BCAM: variants seen among roughly 807,000 people sequenced by gnomAD.
BCAM encodes basal cell adhesion molecule (Lutheran blood group), also known as basal cell adhesion molecule.
BCAM carries 61 observed loss-of-function variants against 72.4 expected under a neutral mutation model. The ratio of observed to expected loss-of-function variants is 0.84; its 90% CI spans 0.69 to 1.04. The LOEUF (loss-of-function observed/expected upper bound fraction) is 1.04. BCAM is among the 50% of genes least tolerant of loss of function. The probability of loss-of-function intolerance (pLI) is 0.00; values close to 1 mark genes in which losing one functional copy is unlikely to be tolerated. For synonymous variants in BCAM, 408 were observed against 384.2 expected (o/e 1.06, Z -0.73); for missense variants, 909 against 895.0 (o/e 1.02, Z -0.20).
At position 44,814,815 on chromosome 19, in the gene BCAM, G is replaced by A. The variant is rs1160797533; in HGVS notation, c.1078+55G>A. The A allele has an allele frequency of 6.4e-7, 1 of 1,552,128 alleles. No individual in the cohort carries two copies. On this transcript the variant is annotated intron_variant, in intron 8 of 14. Transcript: ENST00000270233. The surrounding 1 kb of genome is among the most constrained non-coding windows in gnomAD (Gnocchi z 4.6). Reference sequence around the variant, plus strand: ...GAGGGGCCCTGGCATCAGTGCCTCTGCGCCCTCCTCCCTACAGCCCTGAAG... The same window carrying A: ...GAGGGGCCCTGGCATCAGTGCCTCTACGCCCTCCTCCCTACAGCCCTGAAG...
chr19:44,813,607 C>T lies in BCAM; in HGVS notation c.771C>T (p.His257=), dbSNP rs779329198. ...RHGRLDSPTF[H]LTLHYPTEHV... Reference sequence around the variant, plus strand: ...GCCGCCTGGACAGCCCCACCTTCCACCTCACCCTGCACTGTGAGTCTGTGC... The same window carrying T: ...GCCGCCTGGACAGCCCCACCTTCCATCTCACCCTGCACTGTGAGTCTGTGC... The change falls in exon 6 of 15, where the codon CAC becomes CAT. Residue 257 remains histidine (H), a synonymous_variant. Coordinates refer to ENST00000270233, the MANE Select transcript of BCAM (RefSeq NM_005581.5). This position sits in a 1 kb window ranked among gnomAD's most constrained non-coding sequence, Gnocchi z 4.2. 3.7e-6 allele frequency: 6 copies of T among 1,612,144 alleles called. No individual in the cohort carries two copies. In the African/African-American group the frequency reaches 6.7e-5, roughly 18 times the overall value.
chr19:44,813,748 G>A lies in BCAM; in HGVS notation c.784+128G>A. 1 of 1,312,730 alleles carries A rather than the reference G, an allele frequency of 7.6e-7. No individual in the cohort carries two copies. The highest frequency in any genetic ancestry group is 1.5e-5 in the South Asian group (1 of 68,804). 81.3% of individuals were successfully genotyped at this position (1,312,730 alleles called of 1,614,324 possible). A position where few individuals can be genotyped will look rare whatever the true frequency, so the allele number is the denominator to read the frequency against. On this transcript the variant is annotated intron_variant, in intron 6 of 14. Transcript: ENST00000270233. This position sits in a 1 kb window ranked among gnomAD's most constrained non-coding sequence, Gnocchi z 4.2. ...CCTACTTCATGCTAAAAAAAAATGT[G>A]CTAGTGCTGGCCACTGACCTCTGAC...
At chr19:44,811,452 C>T in intron 2 of BCAM, 106 bp downstream of exon 2, 1 of 1,552,534 alleles carries the variant, frequency 6.4e-7, no homozygotes, top group Non-Finnish European at 8.7e-7. Context: ...AAGCCACACT[C>T]CTTGTTACAG....
rs1391558734 is a variant in BCAM at position 44,818,160 on chromosome 19, T to C, written c.1079-362T>C. Among the ~76,000 whole-genome samples, 1 of 152,160 alleles carries C rather than the reference T, an allele frequency of 6.6e-6. No homozygotes were observed. Among genetic ancestry groups the C allele is most frequent in the Non-Finnish European group, 1.5e-5 (1 of 68,028 alleles). ...AAACAAAACTTTGCAGAAAAGATGT[T>C]TGGGGGTAACAGGGAGGTTACCCCA... is the stretch of plus-strand genomic sequence containing the variant. On this transcript the variant is annotated intron_variant, in intron 8 of 14. Transcript: ENST00000270233. The surrounding 1 kb of genome is among the most constrained non-coding windows in gnomAD (Gnocchi z 4.6).
chr19:44,813,074 G>A lies in BCAM; in HGVS notation c.505-176G>A. Reference sequence around the variant, plus strand: ...TCCTTGGTCCCTGGAGGATGGTGCTGGAGGCCTGGACTCTTTAGTCTGAGT... The same window carrying A: ...TCCTTGGTCCCTGGAGGATGGTGCTAGAGGCCTGGACTCTTTAGTCTGAGT... On this transcript the variant is annotated intron_variant, in intron 4 of 14. Transcript: ENST00000270233. This position sits in a 1 kb window ranked among gnomAD's most constrained non-coding sequence, Gnocchi z 4.2. 1.8e-6 allele frequency: 1 copy of A among 566,960 alleles called. No individual in the cohort carries two copies. The highest frequency in any genetic ancestry group is 2.2e-5 in the African/African-American group (1 of 45,114). The allele number at this position is 566,960 out of a possible 1,614,324, so 35.1% of individuals were successfully genotyped here. A position where few individuals can be genotyped will look rare whatever the true frequency, so the allele number is the denominator to read the frequency against.
rs141223803 is a variant in BCAM, at chr19:44,813,269, G to A, written c.524G>A (p.Arg175Gln). The A allele has an allele frequency of 1.5e-4, 246 of 1,613,970 alleles. No individual in the cohort carries two copies. Among genetic ancestry groups the A allele is most frequent in the Non-Finnish European group, 2.0e-4 (237 of 1,180,024 alleles). ...CCTCAGATCGCCACCTGCAACAGCC[G>A]GAACGGGAACCCGGCCCCCAAGATC... ...SAQEIATCNS[R>Q]NGNPAPKITW... Residue 175 changes from arginine to glutamine, a missense_variant, in exon 5 of 15, where the codon CGG (arginine) becomes CAG (glutamine). Transcript: ENST00000270233. The surrounding 1 kb of genome is among the most constrained non-coding windows in gnomAD (Gnocchi z 4.2).
chr19:44,814,222 C>A lies in BCAM; in HGVS notation c.855C>A (p.Asp285Glu). 1 of 1,587,220 alleles carries A rather than the reference C, an allele frequency of 6.3e-7. No homozygotes were observed. Among genetic ancestry groups the A allele is most frequent in the Non-Finnish European group, 8.5e-7 (1 of 1,173,160 alleles). Reference sequence around the variant, plus strand: ...CAGCAGGCTGGGTACGCGAGGGTGACACTGTCCAGCTGCTCTGCCGGGGGG... The same window carrying A: ...CAGCAGGCTGGGTACGCGAGGGTGAAACTGTCCAGCTGCTCTGCCGGGGGG... ...STPAGWVREG[D>E]TVQLLCRGDG... Residue 285 changes from aspartate to glutamate, a missense_variant, in exon 7 of 15, where the codon GAC becomes GAA. Physicochemically the swap from Asp to Glu is conservative, Grantham distance 45. Coordinates refer to ENST00000270233, the MANE Select transcript of BCAM (RefSeq NM_005581.5). This position sits in a 1 kb window ranked among gnomAD's most constrained non-coding sequence, Gnocchi z 4.6.
chr19:44,817,261 G>T (rs1363714383), intron 8 of BCAM, among the ~76,000 whole-genome samples: 1 of 152,100 alleles, frequency 6.6e-6, no homozygotes, highest in East Asian at 1.9e-4. Flanking sequence ...AAGAAGAAAT[G>T]CAGAGAGCTA....
rs1384710613 is a variant in BCAM at position 44,814,896 on chromosome 19, GT to G, written c.1078+143del. On this transcript the variant is annotated intron_variant, in intron 8 of 14. Coordinates refer to ENST00000270233, the MANE Select transcript of BCAM (RefSeq NM_005581.5). This position sits in a 1 kb window ranked among gnomAD's most constrained non-coding sequence, Gnocchi z 4.6. ...AACCCTTTCTCTGCATTTCTTGGGG[GT>G]TTTTTTGGTTGTTTTTTTTTTTTTT... is the stretch of plus-strand genomic sequence containing the variant. 2.9e-5 allele frequency: 25 copies of G among 851,240 alleles called. No homozygotes were observed. The highest frequency in any genetic ancestry group is 3.7e-5 in the South Asian group (1 of 26,732). The allele number at this position is 851,240 out of a possible 1,614,324, so 52.7% of individuals were successfully genotyped here. A position where few individuals can be genotyped will look rare whatever the true frequency, so the allele number is the denominator to read the frequency against.
In BCAM at chr19:44,819,614, G is replaced by T. The variant is rs554111422; in HGVS notation, c.1651G>T (p.Val551Phe). 4.3e-6 allele frequency: 7 copies of T among 1,613,460 alleles called. No individual in the cohort carries two copies. Among genetic ancestry groups the T allele is most frequent in the Non-Finnish European group, 5.9e-6 (7 of 1,179,696 alleles). Residue 551 changes from valine (V) to phenylalanine (F), a missense_variant, in exon 13 of 15, where the codon GTC (valine) becomes TTC (phenylalanine). Val to Phe is a conservative substitution (Grantham distance 50). Transcript: ENST00000270233. ...SPQTSQAGVA[V>F]MAVAVSVGLL... Reference sequence around the variant, plus strand: ...CCAGACCTCCCAGGCTGGAGTGGCCGTCATGGCCGTGGCCGTCAGCGTGGG... The same window carrying T: ...CCAGACCTCCCAGGCTGGAGTGGCCTTCATGGCCGTGGCCGTCAGCGTGGG...
chr19:44,809,447 C>T (rs1189183124), intron 1 of BCAM, among the ~76,000 whole-genome samples: 1 of 152,076 alleles, frequency 6.6e-6, no homozygotes, highest in African/African-American at 2.4e-5. Flanking sequence ...AGCCCCCTTC[C>T]CACTCAGCAC....
At position 44,813,367 on chromosome 19, in the gene BCAM, G is replaced by A. The variant is rs1968454464; in HGVS notation, c.601+21G>A. On this transcript the variant is annotated intron_variant, in intron 5 of 14. Coordinates refer to ENST00000270233, the MANE Select transcript of BCAM (RefSeq NM_005581.5). This position sits in a 1 kb window ranked among gnomAD's most constrained non-coding sequence, Gnocchi z 4.2. ...CCCAGGTGAGCAGCGCAGGAGCGCG[G>A]CGGGACGTGGGCTGGGGTGGGTGGC... The A allele has an allele frequency of 3.1e-6, 5 of 1,611,604 alleles. No individual in the cohort carries two copies. The highest frequency in any genetic ancestry group is 4.2e-6 in the Non-Finnish European group (5 of 1,178,680).
chr19:44,812,105 G>A lies in BCAM; in HGVS notation c.205-58G>A. ...GCTGCAGAGAGAAAGGACCCAGAGA[G>A]AGAGAGACTGAGGAGCGCTGGGACA... On this transcript the variant is annotated intron_variant, in intron 2 of 14. Coordinates refer to ENST00000270233, the MANE Select transcript of BCAM (RefSeq NM_005581.5). This position sits in a 1 kb window ranked among gnomAD's most constrained non-coding sequence, Gnocchi z 5.3. 1 of 1,492,556 alleles carries A rather than the reference G, an allele frequency of 6.7e-7. No individual in the cohort carries two copies. The highest frequency in any genetic ancestry group is 9.0e-7 in the Non-Finnish European group (1 of 1,107,370). 92.5% of individuals were successfully genotyped at this position (1,492,556 alleles called of 1,614,324 possible).
In BCAM at chr19:44,818,478, TG is replaced by T. The variant is rs755732107; in HGVS notation, c.1079-41del. The stretch of plus-strand genomic sequence containing the variant: ...CGCCCCTGGAGAGCCCCTAATTGAG[TG>T]GGTGGCGGTCTGGGACGAGTGACAG... On this transcript the variant is annotated intron_variant, in intron 8 of 14. Transcript: ENST00000270233. The surrounding 1 kb of genome is among the most constrained non-coding windows in gnomAD (Gnocchi z 4.6). 1 of 1,555,414 alleles carries T rather than the reference TG, an allele frequency of 6.4e-7. No individual in the cohort carries two copies. The highest frequency in any genetic ancestry group is 8.8e-7 in the Non-Finnish European group (1 of 1,131,656).
At chr19:44,820,108 A>T (rs1968564387) in intron 13 of BCAM, 1 of 1,026,660 alleles carries the variant, frequency 9.7e-7, no homozygotes, top group Admixed American at 6.1e-5. Flanking sequence ...ACTCCAATCC[A>T]TAACCCCCTT....
chr19:44,814,831 A>G lies in BCAM; in HGVS notation c.1078+71A>G, dbSNP rs1489833256. 6.8e-7 allele frequency: 1 copy of G among 1,462,520 alleles called. No individual in the cohort carries two copies. The highest frequency in any genetic ancestry group is 9.1e-7 in the Non-Finnish European group (1 of 1,102,040). The allele number at this position is 1,462,520 out of a possible 1,614,324, so 90.6% of individuals were successfully genotyped here. On this transcript the variant is annotated intron_variant, in intron 8 of 14. Coordinates refer to ENST00000270233, the MANE Select transcript of BCAM (RefSeq NM_005581.5). The surrounding 1 kb of genome is among the most constrained non-coding windows in gnomAD (Gnocchi z 4.6). ...AGTGCCTCTGCGCCCTCCTCCCTAC[A>G]GCCCTGAAGTTGCTCTGTCATCCCA... is the stretch of plus-strand genomic sequence containing the variant.
intron 1 of BCAM, among the ~76,000 whole-genome samples, chr19:44,810,712 C>T (rs577114423): frequency 1.3e-5 from 2 of 152,298 alleles, no homozygotes; most frequent in South Asian, 4.1e-4. Context: ...TGGCCCTGCC[C>T]TGGGGGGTGG....
In BCAM at chr19:44,814,723, C is replaced by T. The variant is rs1394641593; in HGVS notation, c.1041C>T (p.Asp347=). ...CRVEDYDAAD[D]VQLSKTLELR... ...TGGAGGATTACGACGCGGCAGATGA[C>T]GTGCAGCTCTCCAAGACGCTGGAGC... The change falls in exon 8 of 15, where the codon GAC becomes GAT. Residue 347 remains aspartate (D), a synonymous_variant. Transcript: ENST00000270233. This position sits in a 1 kb window ranked among gnomAD's most constrained non-coding sequence, Gnocchi z 4.6. The T allele has an allele frequency of 1.1e-5, 18 of 1,613,552 alleles. No homozygotes were observed. Among genetic ancestry groups the T allele is most frequent in the African/African-American group, 5.3e-5 (4 of 74,888 alleles).
rs1282358862 is a variant in BCAM, at chr19:44,813,509, C to T, written c.673C>T (p.Arg225Trp). 11 of 1,612,642 alleles carry T rather than the reference C, an allele frequency of 6.8e-6. No homozygotes were observed. The highest frequency in any genetic ancestry group is 6.7e-5 in the East Asian group (3 of 44,878). ...LLSLTSTLYL[R>W]LRKDDRDASF... ...CTCCCTCACCAGCACCCTCTACCTG[C>T]GGCTCCGCAAGGATGACCGAGACGC... The change falls in exon 6 of 15, where the codon CGG becomes TGG. Residue 225 changes from arginine to tryptophan, a missense_variant. Arg to Trp is a moderately radical substitution (Grantham distance 101). Coordinates refer to ENST00000270233, the MANE Select transcript of BCAM (RefSeq NM_005581.5). This position sits in a 1 kb window ranked among gnomAD's most constrained non-coding sequence, Gnocchi z 4.2.
Sources: allele counts gnomAD v4.1 joint callset (sites outside exome capture counted in the v4.1 genomes callset), GRCh38; gene constraint gnomAD v4.1.1; non-coding constraint Gnocchi (gnomAD v3.1); transcripts MANE v1.5; gene names NCBI Gene and HGNC (gene_info 2026-07-23, HGNC 2026-07-21).